Variants in URB1 observed in about 807,000 individuals in gnomAD.
URB1 encodes the protein URB1 ribosome biogenesis factor, also known as nucleolar pre-ribosomal-associated protein 1.
A neutral mutation model predicts 242.3 loss-of-function variants in URB1; 197 were observed. That is an observed-to-expected ratio of 0.81 (90% CI 0.72 to 0.91). URB1 has a LOEUF of 0.91. Ranked by LOEUF, URB1 falls within the 40% of genes least tolerant of loss-of-function variation. URB1 has a pLI of 0.00. For synonymous variants in URB1, 1,153 were observed against 1,201.8 expected (o/e 0.96, Z 0.84); for missense variants, 2,721 against 2,860.5 (o/e 0.95, Z 1.11).
chr21:32,345,631 C>G, intron 22 of URB1, 56 bp from the exon 23 acceptor site: 1 of 1,469,966 alleles, frequency 6.8e-7, no homozygotes, highest in Non-Finnish European at 9.1e-7. Context: ...CTGCAGCCAG[C>G]TTGGACCAGC....
intron 32 of URB1, 92 bp downstream of exon 32, chr21:32,324,399 G>A (rs917235049): frequency 4.8e-6 from 5 of 1,031,356 alleles, no homozygotes; most frequent in Non-Finnish European, 7.3e-6. Context: ...ACAGATGTGT[G>A]ACCCACTATA....
intron 13 of URB1, among the ~76,000 whole-genome samples, chr21:32,360,614 GAAGT>G (rs2033272125): frequency 6.6e-6 from 1 of 152,194 alleles, no homozygotes; most frequent in African/African-American, 2.4e-5. Flanking sequence ...GGTAAAAGAT[GAAGT>G]AACTATGTCA....
chr21:32,364,313 A>C (rs1795828265), intron 10 of URB1, among the ~76,000 whole-genome samples: 2 of 152,142 alleles, frequency 1.3e-5, no homozygotes, highest in South Asian at 4.2e-4. Flanking sequence ...AGCTCAGGAG[A>C]AATGTAGAAG....
intron 10 of URB1, among the ~76,000 whole-genome samples, 192 bp downstream of exon 10, chr21:32,366,426 G>A (rs908802725): frequency 2.0e-5 from 3 of 152,328 alleles, no homozygotes; most frequent in South Asian, 2.1e-4. Flanking sequence ...TTGCTCCAAG[G>A]TCCTTACCCA....
rs1411443751 is a variant in URB1 at position 32,368,617 on chromosome 21, T to C, written c.1002-19A>G. Reference sequence around the variant, plus strand: ...TCCGCCTCTGTTAGAGAAAGACACATGGGGAGAGGTCAGCAGAAAATGGTC... The same window carrying C: ...TCCGCCTCTGTTAGAGAAAGACACACGGGGAGAGGTCAGCAGAAAATGGTC... On this transcript the variant is annotated intron_variant, in intron 8 of 38. Coordinates refer to ENST00000382751, the MANE Select transcript of URB1 (RefSeq NM_014825.3). The C allele has an allele frequency of 5.2e-6, 8 of 1,540,394 alleles. No homozygotes were observed. The highest frequency in any genetic ancestry group is 1.2e-5 in the South Asian group (1 of 82,384).
At position 32,337,265 on chromosome 21, in the gene URB1, ATCTTC is replaced by A. The variant is rs1323464323; in HGVS notation, c.4622-113_4622-109del. ...CCTGCTCAAATGGCCCGGTCCTCATATCTTCACCCTGCTTGCACCGCCTGGTCTCA... is the reference window on the plus strand; with the variant it reads ...CCTGCTCAAATGGCCCGGTCCTCATAACCCTGCTTGCACCGCCTGGTCTCA... On this transcript the variant is annotated intron_variant, in intron 27 of 38. Coordinates refer to ENST00000382751, the MANE Select transcript of URB1 (RefSeq NM_014825.3). 4 of 1,364,058 alleles carry A rather than the reference ATCTTC, an allele frequency of 2.9e-6. No homozygotes were observed. In the African/African-American group the frequency reaches 4.3e-5, roughly 15 times the overall value. 84.5% of individuals were successfully genotyped at this position (1,364,058 alleles called of 1,614,324 possible). A position where few individuals can be genotyped will look rare whatever the true frequency, so the allele number is the denominator to read the frequency against.
Position 32,373,263 on chromosome 21 carries a change from C to T in URB1, c.876+384G>A, listed in dbSNP as rs112182754. Among the ~76,000 whole-genome samples the T allele has an allele frequency of 1.2e-3, 189 of 152,102 alleles. 1 individual carries two copies. Among genetic ancestry groups the T allele is most frequent in the Middle Eastern group, 6.8e-3 (2 of 294 alleles). ...AAAACAAACAAACAAACAAAAAACA[C>T]ACAACAAGCCTTGAAACTCCAACAA... On this transcript the variant is annotated intron_variant, in intron 7 of 38. Coordinates refer to ENST00000382751, the MANE Select transcript of URB1 (RefSeq NM_014825.3).
At chr21:32,333,246 T>C (rs2032916441) in intron 30 of URB1, 71 bp downstream of exon 30, 1 of 1,274,312 alleles carries the variant, frequency 7.8e-7, no homozygotes. Flanking sequence ...ATGGCAATAA[T>C]TACCATAATC....
chr21:32,337,112 AG>A lies in URB1; in HGVS notation c.4666del (p.Leu1556SerfsTer47). 2 of 1,551,868 alleles carry A rather than the reference AG, an allele frequency of 1.3e-6. No homozygotes were observed. Among genetic ancestry groups the A allele is most frequent in the Non-Finnish European group, 1.7e-6 (2 of 1,147,030 alleles). ...CACTCACCTGAAGTTGATGAGGCTG[AG>A]CTTGTTCTGCTCATACGCTCGAAGC... ...LLLRAYEQNKLSLINFRVLLW... is the reference protein window; with the variant it reads ...LLLRAYEQNKXSLINFRVLLW... On this transcript the variant is annotated frameshift_variant, in exon 28 of 39. Coordinates refer to ENST00000382751, the MANE Select transcript of URB1 (RefSeq NM_014825.3). LOFTEE classifies it high-confidence loss of function.
At chr21:32,368,720 A>C in intron 8 of URB1, 122 bp from the exon 9 acceptor site, 1 of 838,168 alleles carries the variant, frequency 1.2e-6, no homozygotes, top group Non-Finnish European at 1.8e-6. Flanking sequence ...CAACGTAGGG[A>C]ATTTCCCCCA....
At chr21:32,348,680 A>T (rs927660739) in intron 21 of URB1, among the ~76,000 whole-genome samples, 2 of 152,246 alleles carry the variant, frequency 1.3e-5, no homozygotes, top group Non-Finnish European at 2.9e-5. Flanking sequence ...AGTTAAAAAC[A>T]GCAAAGCACG....
intron 29 of URB1, among the ~76,000 whole-genome samples, chr21:32,333,860 A>C (rs1471228884): frequency 6.6e-6 from 1 of 152,226 alleles, no homozygotes; most frequent in Non-Finnish European, 1.5e-5. Flanking sequence ...GGCATAAAGC[A>C]AAGTGCTTGT....
At chr21:32,338,987 TTTTA>T (rs2032997214) in intron 25 of URB1, 87 bp from the exon 26 acceptor site, 66 of 1,290,570 alleles carry the variant, frequency 5.1e-5, no homozygotes, top group Middle Eastern at 2.2e-4. Context: ...TTTCTCAGTA[TTTTA>T]TTTATTTATT....
rs943290689 is a variant in URB1 at position 32,353,935 on chromosome 21, G to A, written c.2414C>T (p.Ala805Val). The change falls in exon 18 of 39, where the codon GCA becomes GTA. Residue 805 changes from alanine to valine, a missense_variant and splice_region_variant. Ala to Val is a moderately conservative substitution (Grantham distance 64, BLOSUM62 0). Transcript: ENST00000382751. ...ACATCCTGACTATACATAGGTACCT[G>A]CTTCATTGCCTGTCCCAAGGAGCAA... Reference protein sequence around the residue: ...NKLLLGTGNEAAENVVTYLTA... With the variant: ...NKLLLGTGNEVAENVVTYLTA... 1 of 1,551,690 alleles carries A rather than the reference G, an allele frequency of 6.4e-7. No homozygotes were observed. Among genetic ancestry groups the A allele is most frequent in the Non-Finnish European group, 8.7e-7 (1 of 1,146,972 alleles).
chr21:32,349,496 G>C lies in URB1; in HGVS notation c.2833-13C>G, dbSNP rs1399315770. The stretch of plus-strand genomic sequence containing the variant: ...CACTTCTGCCCAGCTGTGAGGACAA[G>C]AGCACGAGCCTCAGCAGGGAAGAGA... On this transcript the variant is annotated splice_polypyrimidine_tract_variant and intron_variant, in intron 20 of 38. Coordinates refer to ENST00000382751, the MANE Select transcript of URB1 (RefSeq NM_014825.3). The C allele has an allele frequency of 1.3e-6, 2 of 1,535,904 alleles. No homozygotes were observed. The highest frequency in any genetic ancestry group is 1.8e-6 in the Non-Finnish European group (2 of 1,140,584).
rs550928255 is a variant in URB1, at chr21:32,332,188, A to G, written c.4960+1129T>C. On this transcript the variant is annotated intron_variant, in intron 30 of 38. Transcript: ENST00000382751. Reference sequence around the variant, plus strand: ...TGAGCTCAAAACAGATCACGGGCTTAAATTTAAAGAGTAAAACTAGAAACT... The same window carrying G: ...TGAGCTCAAAACAGATCACGGGCTTGAATTTAAAGAGTAAAACTAGAAACT... 7.2e-5 allele frequency among the ~76,000 whole-genome samples: 11 copies of G among 152,322 alleles called. No individual in the cohort carries two copies. In the South Asian group the frequency reaches 2.3e-3, roughly 32 times the overall value.
chr21:32,316,711 A>C lies in URB1; in HGVS notation c.6389T>G (p.Leu2130Trp). Residue 2130 changes from leucine (L) to tryptophan (W), a missense_variant, in exon 38 of 39, where the codon TTG becomes TGG. Transcript: ENST00000382751. ...GLIGWLKSHI[L>W]PHPVVVADLL... Reference sequence around the variant, plus strand: ...GTCAGCCACGACCACAGGGTGTGGCAAAATATGGCTCTTAAGCCAGCCAAT... The same window carrying C: ...GTCAGCCACGACCACAGGGTGTGGCCAAATATGGCTCTTAAGCCAGCCAAT... 1.3e-6 allele frequency: 2 copies of C among 1,551,398 alleles called. No homozygotes were observed. Among genetic ancestry groups the C allele is most frequent in the Non-Finnish European group, 1.7e-6 (2 of 1,146,860 alleles).
chr21:32,334,184 G>A lies in URB1; in HGVS notation c.4836C>T (p.Asn1612=). 1.3e-6 allele frequency: 2 copies of A among 1,548,980 alleles called. No homozygotes were observed. Among genetic ancestry groups the A allele is most frequent in the Non-Finnish European group, 1.7e-6 (2 of 1,144,956 alleles). The change falls in exon 29 of 39, where the codon AAC becomes AAT. Residue 1612 remains asparagine (N), a synonymous_variant. Transcript: ENST00000382751. ...CAACCTCGGGGGGCAGCAGCCTCCG[G>A]TTCTGGGGGAAGTGCAGGATGGTCT... is the stretch of plus-strand genomic sequence containing the variant. ...MMQTILHFPQ[N]RRLLPPEDTQ...
At position 32,359,832 on chromosome 21, in the gene URB1, C is replaced by T; in HGVS notation, c.1833G>A (p.Glu611=). ...ACCACAGAAACTTGCTGGCCGGCAGCTCCAGGGCCACCTTCAGCATGTGGT... is the reference window on the plus strand; with the variant it reads ...ACCACAGAAACTTGCTGGCCGGCAGTTCCAGGGCCACCTTCAGCATGTGGT... ...LQHHMLKVAL[E]LPASKFLWLK... is the part of the protein sequence containing the mutation. The change falls in exon 14 of 39, where the codon GAG becomes GAA. Residue 611 remains glutamate (E), a synonymous_variant. Coordinates refer to ENST00000382751, the MANE Select transcript of URB1 (RefSeq NM_014825.3). 1 of 1,547,704 alleles carries T rather than the reference C, an allele frequency of 6.5e-7. No homozygotes were observed. The highest frequency in any genetic ancestry group is 8.7e-7 in the Non-Finnish European group (1 of 1,145,504).
Sources: gnomAD v4.1 joint callset for allele counts (sites outside exome capture counted in the v4.1 genomes callset) on GRCh38, gnomAD v4.1.1 for gene constraint, MANE v1.5 for transcripts, NCBI Gene and HGNC (gene_info 2026-07-23, HGNC 2026-07-21) for gene names.